Variants in CTNNA3 observed in about 807,000 individuals in gnomAD.
CTNNA3 encodes the protein catenin alpha 3.
Under a neutral mutation model 95.7 loss-of-function variants are expected in CTNNA3, and 76 were observed. That is an observed-to-expected ratio of 0.79 (90% confidence interval 0.66 to 0.96). The LOEUF (loss-of-function observed/expected upper bound fraction) is 0.96. Among genes scored for constraint, CTNNA3 ranks in the 40% least tolerant of loss-of-function variants. The probability of loss-of-function intolerance (pLI) is 0.00; values close to 1 mark genes in which losing one functional copy is unlikely to be tolerated. For synonymous variants in CTNNA3, 431 were observed against 374.4 expected (o/e 1.15, Z -1.74); for missense variants, 1,191 against 1,089.8 (o/e 1.09, Z -1.31).
chr10:67,271,486 G>A (rs1474666066), intron 5 of CTNNA3, among the ~76,000 whole-genome samples: 1 of 152,136 alleles, frequency 6.6e-6, no homozygotes, highest in East Asian at 1.9e-4. Context: ...GTGGAACTGT[G>A]AGTCAATTAA....
At chr10:66,065,242 T>G (rs1426661885) in intron 15 of CTNNA3, among the ~76,000 whole-genome samples, 1 of 151,726 alleles carries the variant, frequency 6.6e-6, no homozygotes, top group Non-Finnish European at 1.5e-5. Context: ...TTTTTTTTGT[T>G]TTGTTTTGTT....
At chr10:67,184,095 T>C (rs754982276) in intron 6 of CTNNA3, among the ~76,000 whole-genome samples, 8 of 152,174 alleles carry the variant, frequency 5.3e-5, no homozygotes, top group Non-Finnish European at 1.2e-4. Flanking sequence ...GGAGAAGGAC[T>C]CTCTGGTGAA....
At chr10:67,455,075 C>A (rs983046669) in intron 5 of CTNNA3, among the ~76,000 whole-genome samples, 1 of 152,000 alleles carries the variant, frequency 6.6e-6, no homozygotes, top group African/African-American at 2.4e-5. Context: ...AATAAAAATT[C>A]TTTCTAAAGG....
intron 7 of CTNNA3, among the ~76,000 whole-genome samples, chr10:66,897,980 C>T (rs548529319): frequency 1.3e-5 from 2 of 152,184 alleles, no homozygotes; most frequent in African/African-American, 4.8e-5. Flanking sequence ...AGAGAAGAGG[C>T]TAATTTGTCC....
chr10:66,396,538 C>T (rs2092979610), intron 11 of CTNNA3, among the ~76,000 whole-genome samples: 1 of 151,954 alleles, frequency 6.6e-6, no homozygotes, highest in Non-Finnish European at 1.5e-5. Context: ...GTATTAAAAC[C>T]TTGTAAATGA....
intron 9 of CTNNA3, among the ~76,000 whole-genome samples, chr10:66,749,286 G>A (rs1279664806): frequency 6.7e-6 from 1 of 149,422 alleles, no homozygotes; most frequent in Non-Finnish European, 1.5e-5. Context: ...CATGCGGATT[G>A]ACAATAATAA....
intron 5 of CTNNA3, among the ~76,000 whole-genome samples, chr10:67,228,239 A>C (rs1191520823): frequency 6.6e-6 from 1 of 152,188 alleles, no homozygotes; most frequent in Non-Finnish European, 1.5e-5. Context: ...ACAAAAAGTT[A>C]GTTTTTTTGA....
At chr10:67,302,437 A>C (rs1472934157) in intron 5 of CTNNA3, among the ~76,000 whole-genome samples, 1 of 152,226 alleles carries the variant, frequency 6.6e-6, no homozygotes, top group Admixed American at 6.5e-5. Flanking sequence ...TCTCACCACA[A>C]AAATGATAAG....
At chr10:66,381,725 CATTATAA>C (rs922257440) in intron 11 of CTNNA3, among the ~76,000 whole-genome samples, 5 of 152,132 alleles carry the variant, frequency 3.3e-5, no homozygotes, top group African/African-American at 1.2e-4. Flanking sequence ...TGAAAACCTT[CATTATAA>C]ATTAACTAGG....
intron 5 of CTNNA3, among the ~76,000 whole-genome samples, chr10:67,225,843 C>A (rs945347565): frequency 1.3e-5 from 2 of 152,116 alleles, no homozygotes; most frequent in Non-Finnish European, 2.9e-5. Context: ...AGCACACTAC[C>A]TCACCAGCAA....
At chr10:66,439,575 A>T (rs982477322) in intron 11 of CTNNA3, among the ~76,000 whole-genome samples, 1 of 152,198 alleles carries the variant, frequency 6.6e-6, no homozygotes, top group Non-Finnish European at 1.5e-5. Context: ...AATGAAGCAA[A>T]TAAAAATGGT....
chr10:67,341,264 G>C (rs981856049), intron 5 of CTNNA3, among the ~76,000 whole-genome samples: 2 of 152,038 alleles, frequency 1.3e-5, no homozygotes, highest in African/African-American at 4.8e-5. Flanking sequence ...CTGTTGTGCT[G>C]TCAAATAGTA....
At chr10:66,950,087 G>A (rs768946644) in intron 7 of CTNNA3, among the ~76,000 whole-genome samples, 3 of 151,968 alleles carry the variant, frequency 2.0e-5, no homozygotes, top group Admixed American at 6.6e-5. Flanking sequence ...CTCTTTGAAC[G>A]TCTCCTTCAG....
At chr10:66,899,543 G>A (rs953932102) in intron 7 of CTNNA3, among the ~76,000 whole-genome samples, 14 of 152,140 alleles carry the variant, frequency 9.2e-5, no homozygotes, top group Non-Finnish European at 2.1e-4. Context: ...AAAGTAGGGC[G>A]GGGCATTGCC....
intron 5 of CTNNA3, among the ~76,000 whole-genome samples, chr10:67,312,308 T>C (rs1840846407): frequency 6.6e-6 from 1 of 152,076 alleles, no homozygotes; most frequent in African/African-American, 2.4e-5. Context: ...CCTGACCTCA[T>C]GATCTGCCTG....
At chr10:66,155,789 C>T (rs1589578764) in intron 13 of CTNNA3, among the ~76,000 whole-genome samples, 1 of 151,700 alleles carries the variant, frequency 6.6e-6, no homozygotes, top group Non-Finnish European at 1.5e-5. Context: ...ATTCTTAGGG[C>T]AAATAAAAAG....
intron 5 of CTNNA3, among the ~76,000 whole-genome samples, chr10:67,227,703 G>T (rs888818641): frequency 1.1e-4 from 17 of 152,084 alleles, no homozygotes; most frequent in Non-Finnish European, 2.4e-4. Flanking sequence ...GAACTTAACA[G>T]ATATATACAG....
chr10:66,015,316 A>G (rs1393018779), intron 15 of CTNNA3, among the ~76,000 whole-genome samples: 2 of 152,158 alleles, frequency 1.3e-5, no homozygotes, highest in Non-Finnish European at 2.9e-5. Context: ...TGAAACCACT[A>G]TAGCAACAGA....
At chr10:66,451,511 G>A (rs971699905) in intron 11 of CTNNA3, among the ~76,000 whole-genome samples, 1 of 152,028 alleles carries the variant, frequency 6.6e-6, no homozygotes, top group African/African-American at 2.4e-5. Flanking sequence ...GTCTAGATTC[G>A]AAGCAATTTG....
Sources: allele counts gnomAD v4.1 joint callset (sites outside exome capture counted in the v4.1 genomes callset), GRCh38; gene constraint gnomAD v4.1.1; transcripts MANE v1.5; gene names NCBI Gene and HGNC (gene_info 2026-07-23, HGNC 2026-07-21).